The following ZBTB44 variants were observed in gnomAD, a reference collection of about 807,000 sequenced individuals.
The protein encoded by ZBTB44 is zinc finger and BTB domain containing 44.
A neutral mutation model predicts 54.0 loss-of-function variants in ZBTB44; 15 were observed. That is an observed-to-expected ratio of 0.28 (90% CI 0.19 to 0.43). The LOEUF is 0.43. Among genes scored for constraint, ZBTB44 ranks in the 20% least tolerant of loss-of-function variants. The probability of loss-of-function intolerance (pLI) is 1.00; values close to 1 mark genes in which losing one functional copy is unlikely to be tolerated. For missense variants in ZBTB44, 487 were observed against 707.1 expected, an observed-to-expected ratio of 0.69 and a Z score of 3.53; for synonymous variants, 230 against 250.1, an observed-to-expected ratio of 0.92 and a Z score of 0.76.
chr11:130,286,176 T>G (rs553081089), intron 1 of ZBTB44, among the ~76,000 whole-genome samples: 5 of 152,128 alleles, frequency 3.3e-5, no homozygotes, highest in Non-Finnish European at 7.4e-5. Context: ...AAGTGATCTT[T>G]AAAAAAATGA....
chr11:130,301,530 G>A (rs1296350762), intron 1 of ZBTB44, among the ~76,000 whole-genome samples: 1 of 152,092 alleles, frequency 6.6e-6, no homozygotes, highest in African/African-American at 2.4e-5. Flanking sequence ...TGCGTGTGGT[G>A]GTGTGCATCT....
At chr11:130,274,500 T>C (rs999254266) in intron 1 of ZBTB44, among the ~76,000 whole-genome samples, 1 of 152,216 alleles carries the variant, frequency 6.6e-6, no homozygotes, top group Non-Finnish European at 1.5e-5. Flanking sequence ...GAGGTTTTCA[T>C]AGATGCCCCT....
chr11:130,240,102 C>T (rs1013590760), intron 2 of ZBTB44, among the ~76,000 whole-genome samples: 1 of 143,066 alleles, frequency 7.0e-6, no homozygotes, highest in African/African-American at 2.6e-5. Context: ...AGTGCGGTGG[C>T]GCGATCTCGG....
intron 1 of ZBTB44, among the ~76,000 whole-genome samples, chr11:130,292,573 C>G (rs1941369459): frequency 6.6e-6 from 1 of 152,020 alleles, no homozygotes. Flanking sequence ...AATAAATGTT[C>G]TTGATTTACG....
At chr11:130,236,769 T>A (rs1288583670) in intron 5 of ZBTB44, 24 bp downstream of exon 5, 10 of 1,320,106 alleles carry the variant, frequency 7.6e-6, no homozygotes, top group Non-Finnish European at 9.6e-6. Flanking sequence ...GTTTTCCTGG[T>A]TGGGTTTTCG....
At chr11:130,302,961 G>A (rs1004929261) in intron 1 of ZBTB44, among the ~76,000 whole-genome samples, 1 of 152,156 alleles carries the variant, frequency 6.6e-6, no homozygotes, top group African/African-American at 2.4e-5. Context: ...GGGGACCAGA[G>A]TGAAACTCCA....
chr11:130,248,105 T>C (rs1937676390), intron 2 of ZBTB44, among the ~76,000 whole-genome samples: 1 of 152,198 alleles, frequency 6.6e-6, no homozygotes, highest in African/African-American at 2.4e-5. Flanking sequence ...TTTCTATCCC[T>C]AGAAAGACAA....
At chr11:130,273,307 ATTTT>A (rs34506406) in intron 1 of ZBTB44, among the ~76,000 whole-genome samples, 1 of 126,314 alleles carries the variant, frequency 7.9e-6, no homozygotes, top group Non-Finnish European at 1.6e-5. Flanking sequence ...TATTTTCTTA[ATTTT>A]TTTTTTTTTT....
At position 130,277,677 on chromosome 11, in the gene ZBTB44, A is replaced by T. The variant is rs556364583; in HGVS notation, c.-56-15748T>A. ...AGAAAAATGTTAATTTCTTTTTTTT[A>T]AAGTAATTATATAATTACCTTTTCT... is the stretch of plus-strand genomic sequence containing the variant. On this transcript the variant is annotated intron_variant, in intron 1 of 7. Coordinates refer to ENST00000357899, the MANE Select transcript of ZBTB44 (RefSeq NM_001301098.2). Among the ~76,000 whole-genome samples the T allele has an allele frequency of 1.2e-4, 19 of 152,264 alleles. No individual in the cohort carries two copies. In the East Asian group the frequency reaches 2.7e-3, roughly 22 times the overall value.
In ZBTB44 at chr11:130,262,832, C is replaced by A. The variant is rs143449153; in HGVS notation, c.-56-903G>T. The stretch of plus-strand genomic sequence containing the variant: ...CAGCACTTTGGGAGGCCAAGGCAGG[C>A]GGATTGCTTGAGCTCAGGAGTCCAA... On this transcript the variant is annotated intron_variant, in intron 1 of 7. Coordinates refer to ENST00000357899, the MANE Select transcript of ZBTB44 (RefSeq NM_001301098.2). Among the ~76,000 whole-genome samples the A allele has an allele frequency of 8.7e-3, 1,324 of 152,112 alleles. 9 individuals are homozygous for A. Among genetic ancestry groups the A allele is most frequent in the African/African-American group, 0.022 (899 of 41,510 alleles).
chr11:130,305,797 CAGAGT>C (rs780491606), intron 1 of ZBTB44, among the ~76,000 whole-genome samples: 1 of 152,070 alleles, frequency 6.6e-6, no homozygotes, highest in Non-Finnish European at 1.5e-5. Context: ...AAATAATCAG[CAGAGT>C]AAAGAGACAA....
intron 1 of ZBTB44, among the ~76,000 whole-genome samples, chr11:130,264,615 T>C (rs17605375): frequency 0.07 from 10,623 of 151,986 alleles, 493 homozygotes; most frequent in Non-Finnish European, 0.1. Flanking sequence ...AAGTCTGATA[T>C]ACTTAGAAGT....
chr11:130,281,249 G>C (rs968847418), intron 1 of ZBTB44, among the ~76,000 whole-genome samples: 1 of 152,134 alleles, frequency 6.6e-6, no homozygotes, highest in Non-Finnish European at 1.5e-5. Context: ...GCCGGGCGCG[G>C]TGGCTCACGC....
chr11:130,233,999 T>C (rs2136260687), intron 6 of ZBTB44, 157 bp downstream of exon 6: 3 of 1,446,158 alleles, frequency 2.1e-6, no homozygotes, highest in Non-Finnish European at 2.8e-6. Flanking sequence ...AACTACTCAA[T>C]AGTTATAGAA....
intron 1 of ZBTB44, among the ~76,000 whole-genome samples, chr11:130,288,405 A>T (rs757759954): frequency 2.6e-4 from 40 of 151,860 alleles, no homozygotes; most frequent in Non-Finnish European, 4.7e-4. Flanking sequence ...ATAAAATAAA[A>T]TAAAAAAATA....
rs776734265 is a variant in ZBTB44 at position 130,293,506 on chromosome 11, G to A, written c.-57+20869C>T. ...AAAAAAAAAGACCATTTGGCCGGGT[G>A]TGGTGGCTCACACCTATAATCCCAG... On this transcript the variant is annotated intron_variant, in intron 1 of 7. Transcript: ENST00000357899. 2.9e-3 allele frequency among the ~76,000 whole-genome samples: 423 copies of A among 145,158 alleles called. 1 individual carries two copies. Among genetic ancestry groups the A allele is most frequent in the Non-Finnish European group, 4.5e-3 (295 of 66,194 alleles).
intron 2 of ZBTB44, among the ~76,000 whole-genome samples, chr11:130,249,630 A>G (rs508637): frequency 0.62 from 94,680 of 152,082 alleles, 31,014 homozygotes; most frequent in Admixed American, 0.72. Flanking sequence ...GGCAGTGGGT[A>G]CAGCCCACAG....
At chr11:130,260,824 T>C (rs753560902) in intron 2 of ZBTB44, 32 bp downstream of exon 2, 3 of 1,557,166 alleles carry the variant, frequency 1.9e-6, no homozygotes, top group Non-Finnish European at 2.6e-6. Flanking sequence ...ATTGACTTTA[T>C]AGCACCAAGA....
At chr11:130,301,807 G>C (rs985542479) in intron 1 of ZBTB44, among the ~76,000 whole-genome samples, 2 of 152,176 alleles carry the variant, frequency 1.3e-5, no homozygotes. Context: ...TCAGCACTGT[G>C]AGAGGCTGAG....
Sources: allele counts gnomAD v4.1 joint callset (sites outside exome capture counted in the v4.1 genomes callset), GRCh38; gene constraint gnomAD v4.1.1; transcripts MANE v1.5; gene names NCBI Gene and HGNC (gene_info 2026-07-23, HGNC 2026-07-21).